Variants in DCC observed in about 807,000 individuals in gnomAD.
DCC encodes the protein DCC netrin 1 receptor.
Under a neutral mutation model 172.5 loss-of-function variants are expected in DCC, and 58 were observed. That is an observed-to-expected ratio of 0.34 (90% CI 0.27 to 0.42). The LOEUF is 0.42. DCC is among the 10% of genes least tolerant of loss of function. The probability of loss-of-function intolerance (pLI) is 1.00; values close to 1 mark genes in which losing one functional copy is unlikely to be tolerated. For synonymous variants in DCC, 709 were observed against 644.5 expected, an observed-to-expected ratio of 1.10 and a Z score of -1.52; for missense variants, 1,740 against 1,791.0, an observed-to-expected ratio of 0.97 and a Z score of 0.51.
At chr18:53,187,411 C>T (rs1007530126) in intron 9 of DCC, among the ~76,000 whole-genome samples, 4 of 152,146 alleles carry the variant, frequency 2.6e-5, no homozygotes, top group South Asian at 2.1e-4. Context: ...AGTGAACCAC[C>T]GTGCCTGGCT....
At chr18:53,099,947 T>TTTC (rs1311591505) in intron 7 of DCC, among the ~76,000 whole-genome samples, 1 of 122,002 alleles carries the variant, frequency 8.2e-6, no homozygotes, top group African/African-American at 4.0e-5. Flanking sequence ...TTCTTTCTTT[T>TTTC]TTTTTTTTTT....
chr18:52,452,676 A>G (rs1391114572), intron 1 of DCC, among the ~76,000 whole-genome samples: 1 of 152,244 alleles, frequency 6.6e-6, no homozygotes, highest in Non-Finnish European at 1.5e-5. Context: ...TAGTACATGC[A>G]GGAAATTATA....
intron 6 of DCC, 125 bp from the exon 7 acceptor site, chr18:53,065,921 C>A: frequency 8.9e-7 from 1 of 1,128,724 alleles, no homozygotes; most frequent in Non-Finnish European, 1.3e-6. Flanking sequence ...GGCTGAGACC[C>A]CTCATGGCCT....
intron 7 of DCC, among the ~76,000 whole-genome samples, chr18:53,084,229 C>T (rs1039240384): frequency 5.3e-5 from 8 of 152,154 alleles, no homozygotes; most frequent in African/African-American, 1.9e-4. Context: ...GGTGTTTCTT[C>T]CTGTTCTTGC....
At position 53,460,280 on chromosome 18, in the gene DCC, T is replaced by G. The variant is rs1409920748; in HGVS notation, c.3619+822T>G. 2.7e-4 allele frequency among the ~76,000 whole-genome samples: 29 copies of G among 109,096 alleles called. 1 individual carries two copies. The highest frequency in any genetic ancestry group is 7.7e-4 in the African/African-American group (24 of 31,066). The allele number at this position is 109,096 out of a possible 152,430, so 71.6% of individuals were successfully genotyped here. On this transcript the variant is annotated intron_variant, in intron 24 of 28. Transcript: ENST00000442544. Reference sequence around the variant, plus strand: ...TATAGAATGAGGAGCTCCTGTTTTTTTTTTTTTTTTTTTTTTTTTTTTTAA... The same window carrying G: ...TATAGAATGAGGAGCTCCTGTTTTTGTTTTTTTTTTTTTTTTTTTTTTTAA...
At chr18:52,564,375 T>C (rs999150947) in intron 1 of DCC, among the ~76,000 whole-genome samples, 7 of 152,242 alleles carry the variant, frequency 4.6e-5, no homozygotes, top group Non-Finnish European at 1.0e-4. Context: ...AAATGTGTGG[T>C]CCTCTTGTTC....
intron 5 of DCC, among the ~76,000 whole-genome samples, chr18:53,008,814 G>C (rs2041684813): frequency 1.3e-5 from 2 of 151,882 alleles, no homozygotes; most frequent in Admixed American, 6.6e-5. Context: ...TATTCAGAAA[G>C]CAAAAGCAAT....
At chr18:53,237,651 C>T (rs866171676) in intron 12 of DCC, among the ~76,000 whole-genome samples, 11 of 152,022 alleles carry the variant, frequency 7.2e-5, no homozygotes, top group Non-Finnish European at 1.6e-4. Flanking sequence ...TCTGTGACAA[C>T]TCAGTATACC....
intron 3 of DCC, among the ~76,000 whole-genome samples, chr18:52,920,892 G>A (rs912455996): frequency 3.3e-5 from 5 of 152,078 alleles, no homozygotes; most frequent in African/African-American, 1.2e-4. Flanking sequence ...AATCTTAAAT[G>A]TATATTGCTG....
intron 2 of DCC, among the ~76,000 whole-genome samples, chr18:52,898,880 G>T (rs767370728): frequency 1.8e-4 from 28 of 152,158 alleles, no homozygotes; most frequent in Non-Finnish European, 3.4e-4. Flanking sequence ...GTCCCAGCTG[G>T]GTGAGGGGCT....
At chr18:52,946,333 G>A (rs544533395) in intron 5 of DCC, among the ~76,000 whole-genome samples, 7 of 152,322 alleles carry the variant, frequency 4.6e-5, no homozygotes, top group Non-Finnish European at 8.8e-5. Context: ...GTTGATAAGT[G>A]AAATGAACTG....
chr18:52,708,200 G>C (rs1032577725), intron 1 of DCC, among the ~76,000 whole-genome samples: 1 of 152,116 alleles, frequency 6.6e-6, no homozygotes, highest in African/African-American at 2.4e-5. Context: ...CCAGCACTTT[G>C]GGAGGCCGAG....
At chr18:53,031,527 CTT>C (rs1333944433) in intron 5 of DCC, among the ~76,000 whole-genome samples, 2 of 151,926 alleles carry the variant, frequency 1.3e-5, no homozygotes, top group Admixed American at 1.3e-4. Context: ...ACAGAAATGA[CTT>C]TGCTGTATAT....
chr18:52,987,915 A>C (rs1301021316), intron 5 of DCC, among the ~76,000 whole-genome samples: 1 of 152,234 alleles, frequency 6.6e-6, no homozygotes, highest in Admixed American at 6.5e-5. Flanking sequence ...CTGAAATAAT[A>C]GTTTTCCCTT....
At chr18:53,220,194 G>A (rs1420326166) in intron 12 of DCC, among the ~76,000 whole-genome samples, 2 of 152,270 alleles carry the variant, frequency 1.3e-5, no homozygotes, top group East Asian at 1.9e-4. Flanking sequence ...GTATGTGTAT[G>A]TGTGTATTCA....
intron 1 of DCC, among the ~76,000 whole-genome samples, chr18:52,645,197 A>T (rs1168789697): frequency 6.6e-6 from 1 of 152,178 alleles, no homozygotes; most frequent in African/African-American, 2.4e-5. Flanking sequence ...CACTGGTGTG[A>T]TGAAAAACAG....
At chr18:52,718,060 A>G (rs1359812754) in intron 1 of DCC, among the ~76,000 whole-genome samples, 1 of 152,200 alleles carries the variant, frequency 6.6e-6, no homozygotes, top group Non-Finnish European at 1.5e-5. Context: ...GCAAGGAGGC[A>G]TGAGTGGGAC....
At chr18:53,400,731 GA>G (rs1469808143) in intron 18 of DCC, among the ~76,000 whole-genome samples, 2 of 152,084 alleles carry the variant, frequency 1.3e-5, no homozygotes, top group Admixed American at 1.3e-4. Context: ...CACAGCACCT[GA>G]ATTAGATTGG....
intron 1 of DCC, among the ~76,000 whole-genome samples, chr18:52,443,163 T>C (rs746866921): frequency 3.3e-5 from 5 of 152,172 alleles, no homozygotes; most frequent in African/African-American, 9.7e-5. Context: ...TAAATACTGA[T>C]GTTGAGTTCA....
Sources: gnomAD v4.1 joint callset for allele counts (sites outside exome capture counted in the v4.1 genomes callset) on GRCh38, gnomAD v4.1.1 for gene constraint, MANE v1.5 for transcripts, NCBI Gene and HGNC (gene_info 2026-07-23, HGNC 2026-07-21) for gene names.